The following LPGAT1 variants were observed in gnomAD, a reference collection of about 807,000 sequenced individuals.
The protein encoded by LPGAT1 is lysophosphatidylglycerol acyltransferase 1.
LPGAT1 carries 11 observed loss-of-function variants against 47.5 expected under a neutral mutation model. That is an observed-to-expected ratio of 0.23 (90% CI 0.15 to 0.38). LPGAT1 has a LOEUF of 0.38. LPGAT1 is among the 10% of genes least tolerant of loss of function. LPGAT1 has a pLI of 1.00. For synonymous variants in LPGAT1, 138 were observed against 144.2 expected (o/e 0.96, Z 0.31); for missense variants, 293 against 439.0 (o/e 0.67, Z 2.97).
At position 211,785,092 on chromosome 1, in the gene LPGAT1, T is replaced by C. The variant is rs371669591; in HGVS notation, c.454-1590A>G. Reference sequence around the variant, plus strand: ...TGCTGGGATTACAGGCGTGAGCCACTGCGCCCAGCCGGTTCTTTCTTTCAG... The same window carrying C: ...TGCTGGGATTACAGGCGTGAGCCACCGCGCCCAGCCGGTTCTTTCTTTCAG... On this transcript the variant is annotated intron_variant, in intron 4 of 7. Transcript: ENST00000366997. Among the ~76,000 whole-genome samples, 137 of 152,218 alleles carry C rather than the reference T, an allele frequency of 9.0e-4. 1 individual carries two copies. The highest frequency in any genetic ancestry group is 6.8e-3 in the Middle Eastern group (2 of 294).
intron 1 of LPGAT1, 47 bp from the exon 2 acceptor site, chr1:211,829,370 C>A: frequency 2.5e-6 from 4 of 1,596,628 alleles, no homozygotes; most frequent in South Asian, 1.1e-5. Flanking sequence ...TCATTAAATA[C>A]ATCTAAACAG....
At chr1:211,798,651 C>T (rs1659446294) in intron 2 of LPGAT1, among the ~76,000 whole-genome samples, 1 of 152,076 alleles carries the variant, frequency 6.6e-6, no homozygotes, top group African/African-American at 2.4e-5. Flanking sequence ...CCACTACACT[C>T]CAGTCTGGTT....
intron 5 of LPGAT1, among the ~76,000 whole-genome samples, chr1:211,779,342 C>T (rs976734465): frequency 1.3e-5 from 2 of 152,034 alleles, no homozygotes; most frequent in African/African-American, 4.8e-5. Context: ...TTTAACACTC[C>T]TATAAAAAAC....
intron 6 of LPGAT1, among the ~76,000 whole-genome samples, chr1:211,759,908 T>C (rs889823790): frequency 6.6e-6 from 1 of 152,230 alleles, no homozygotes. Flanking sequence ...AGAAGTGAAA[T>C]TGCTGTGTCA....
chr1:211,804,474 C>T (rs1659686808), intron 2 of LPGAT1, among the ~76,000 whole-genome samples: 1 of 151,818 alleles, frequency 6.6e-6, no homozygotes, highest in South Asian at 2.1e-4. Context: ...AGAAAATTAC[C>T]CCAAATCTCA....
intron 4 of LPGAT1, among the ~76,000 whole-genome samples, chr1:211,784,953 G>A (rs190658648): frequency 1.3e-4 from 20 of 152,052 alleles, no homozygotes; most frequent in Admixed American, 3.9e-4. Context: ...ACAGGCGCCT[G>A]CCACCACACC....
intron 2 of LPGAT1, 57 bp downstream of exon 2, chr1:211,828,980 CCAAAGTGTAATATACATTTAAT>C: frequency 7.0e-7 from 1 of 1,437,870 alleles, no homozygotes; most frequent in Non-Finnish European, 9.5e-7. Context: ...CATCCTCAAC[CCAAAGTGTAATATACATTTAAT>C]CATGGTTCCT....
At position 211,830,564 on chromosome 1, in the gene LPGAT1, G is replaced by C. The variant is rs1660702596; in HGVS notation, c.-28+9C>G. Reference sequence around the variant, plus strand: ...CTCTGGGGCCTGCGACCGCGGAGCCGGAGGTTACCTCGGGCTGGCCGGGCC... The same window carrying C: ...CTCTGGGGCCTGCGACCGCGGAGCCCGAGGTTACCTCGGGCTGGCCGGGCC... On this transcript the variant is annotated intron_variant, in intron 1 of 7. Transcript: ENST00000366997. The surrounding 1 kb of genome is among the most constrained non-coding windows in gnomAD (Gnocchi z 5.9). 9.7e-6 allele frequency: 11 copies of C among 1,129,200 alleles called. No homozygotes were observed. In the East Asian group the frequency reaches 1.3e-4, roughly 13 times the overall value. The allele number at this position is 1,129,200 out of a possible 1,614,324, so 69.9% of individuals were successfully genotyped here.
chr1:211,782,809 G>C (rs920810120), intron 5 of LPGAT1, among the ~76,000 whole-genome samples: 1 of 151,982 alleles, frequency 6.6e-6, no homozygotes, highest in African/African-American at 2.4e-5. Context: ...TTCTCAATTT[G>C]ATAAATGAAA....
chr1:211,828,245 A>AT (rs1660603520), intron 2 of LPGAT1, among the ~76,000 whole-genome samples: 1 of 152,168 alleles, frequency 6.6e-6, no homozygotes, highest in Non-Finnish European at 1.5e-5. Flanking sequence ...AACCTCTATG[A>AT]TTTTTTCATT....
chr1:211,807,008 G>A (rs1571753028), intron 2 of LPGAT1, among the ~76,000 whole-genome samples: 1 of 152,116 alleles, frequency 6.6e-6, no homozygotes, highest in East Asian at 1.9e-4. Context: ...TGACATGATT[G>A]CCTATGTAGA....
intron 2 of LPGAT1, among the ~76,000 whole-genome samples, chr1:211,809,745 A>G (rs1050665326): frequency 6.6e-6 from 1 of 152,256 alleles, no homozygotes; most frequent in Admixed American, 6.5e-5. Context: ...ACTTTCCACC[A>G]TGATTGTGAG....
In LPGAT1 at chr1:211,829,048, C is replaced by A. The variant is rs747307422; in HGVS notation, c.238+11G>T. On this transcript the variant is annotated intron_variant, in intron 2 of 7. Coordinates refer to ENST00000366997, the MANE Select transcript of LPGAT1 (RefSeq NM_014873.3). ...TTCTTATGCATTAAAGAAAAGTGTT[C>A]TCACTCTTACCTGTATATCCAGCAT... The A allele has an allele frequency of 1.2e-6, 2 of 1,610,850 alleles. No homozygotes were observed. Among genetic ancestry groups the A allele is most frequent in the African/African-American group, 2.7e-5 (2 of 74,672 alleles).
At chr1:211,817,200 A>G (rs6540709) in intron 2 of LPGAT1, among the ~76,000 whole-genome samples, 49,632 of 152,126 alleles carry the variant, frequency 0.33, 9,277 homozygotes, top group Non-Finnish European at 0.43. Flanking sequence ...GGAAACGTAT[A>G]TATTGATCTC....
chr1:211,750,816 T>G (rs1215685272), intron 7 of LPGAT1, 145 bp downstream of exon 7: 10 of 614,782 alleles, frequency 1.6e-5, no homozygotes, highest in Non-Finnish European at 2.3e-5. Context: ...CAGGGTAAGC[T>G]GATTCATGAG....
At chr1:211,790,313 C>T (rs1168951412) in intron 3 of LPGAT1, among the ~76,000 whole-genome samples, 2 of 152,086 alleles carry the variant, frequency 1.3e-5, no homozygotes, top group South Asian at 2.1e-4. Context: ...ATTAAAATGC[C>T]AACAGTACTC....
At position 211,744,564 on chromosome 1, in the gene LPGAT1, C is replaced by T. The variant is rs1425271185; in HGVS notation, c.*5335G>A. 3 of 152,074 alleles carry T rather than the reference C, an allele frequency of 2.0e-5. No homozygotes were observed. The highest frequency in any genetic ancestry group is 7.2e-5 in the African/African-American group (3 of 41,404). 9.4% of individuals were successfully genotyped at this position (152,074 alleles called of 1,614,324 possible). A position where few individuals can be genotyped will look rare whatever the true frequency, so the allele number is the denominator to read the frequency against. ...GTTGAGCAAAAAGCAATTAAGTATC[C>T]TTTTAAAAAAGCATTTTAGTTCTTT... On this transcript the variant is annotated 3_prime_UTR_variant, in exon 8 of 8. Transcript: ENST00000366997.
intron 6 of LPGAT1, among the ~76,000 whole-genome samples, chr1:211,759,184 T>C (rs986018552): frequency 6.6e-6 from 1 of 152,244 alleles, no homozygotes; most frequent in Non-Finnish European, 1.5e-5. Flanking sequence ...AATGTTATGC[T>C]ATCCCGATAA....
chr1:211,776,510 G>A (rs1658406405), intron 6 of LPGAT1, among the ~76,000 whole-genome samples: 1 of 152,124 alleles, frequency 6.6e-6, no homozygotes, highest in Non-Finnish European at 1.5e-5. Flanking sequence ...GGGCGACAAA[G>A]TGAACCTGTG....
Sources: gnomAD v4.1 joint callset for allele counts (sites outside exome capture counted in the v4.1 genomes callset) on GRCh38, gnomAD v4.1.1 for gene constraint, Gnocchi (gnomAD v3.1) non-coding constraint, MANE v1.5 for transcripts, NCBI Gene and HGNC (gene_info 2026-07-23, HGNC 2026-07-21) for gene names.